Variants in DNER observed in about 807,000 individuals in gnomAD.
The protein encoded by DNER is delta/notch like EGF repeat containing, also known as delta and Notch-like epidermal growth factor-related receptor.
A neutral mutation model predicts 78.2 loss-of-function variants in DNER; 33 were observed. That is an observed-to-expected ratio of 0.42 (90% confidence interval 0.32 to 0.56). The LOEUF (loss-of-function observed/expected upper bound fraction) is 0.56, where lower values mean the gene tolerates loss of function less well. Among genes scored for constraint, DNER ranks in the 20% least tolerant of loss-of-function variants. The pLI, the probability that DNER is intolerant of heterozygous loss-of-function variation, is 0.11. For missense variants in DNER, 918 were observed against 975.3 expected (o/e 0.94, Z 0.78); for synonymous variants, 417 against 384.8 (o/e 1.08, Z -0.98).
Position 229,546,822 on chromosome 2 carries a change from CAGACAGACAGAT to C in DNER, c.993+113_993+124del, listed in dbSNP as rs1231564635. 7.3e-6 allele frequency: 10 copies of C among 1,365,920 alleles called. No homozygotes were observed. In the African/African-American group the frequency reaches 9.2e-5, roughly 13 times the overall value. 84.6% of individuals were successfully genotyped at this position (1,365,920 alleles called of 1,614,324 possible). On this transcript the variant is annotated intron_variant, in intron 5 of 12. Transcript: ENST00000341772. ...ATAGATAGACAGACAGACAGACAGA[CAGACAGACAGAT>C]AGATAGATAGAGCAAGGATGAAAGG...
chr2:229,457,516 C>T (rs145624936), intron 7 of DNER, among the ~76,000 whole-genome samples: 99 of 151,860 alleles, frequency 6.5e-4, no homozygotes, highest in African/African-American at 2.2e-3. Context: ...CTAAAACAGA[C>T]GCAACAAAAA....
chr2:229,683,994 G>A (rs1456127801), intron 1 of DNER, among the ~76,000 whole-genome samples: 1 of 152,160 alleles, frequency 6.6e-6, no homozygotes, highest in African/African-American at 2.4e-5. Flanking sequence ...AGACACCTAA[G>A]GCTGGTCTTG....
At chr2:229,705,546 C>T (rs1048740099) in intron 1 of DNER, among the ~76,000 whole-genome samples, 1 of 152,140 alleles carries the variant, frequency 6.6e-6, no homozygotes, top group African/African-American at 2.4e-5. Context: ...CCCTCTGGTG[C>T]TCACTTTGAA....
intron 6 of DNER, among the ~76,000 whole-genome samples, chr2:229,479,324 A>G (rs1695104284): frequency 6.6e-6 from 1 of 152,206 alleles, no homozygotes; most frequent in South Asian, 2.1e-4. Flanking sequence ...ATGCATCACC[A>G]TCGTCAACAA....
At chr2:229,714,079 C>T in intron 1 of DNER, 69 bp downstream of exon 1, 1 of 1,230,076 alleles carries the variant, frequency 8.1e-7, no homozygotes, top group Non-Finnish European at 1.0e-6. Context: ...GCAGCAGCAG[C>T]AGGGCCGGCG....
In DNER at chr2:229,617,245, C is replaced by T. The variant is rs199902445; in HGVS notation, c.277-25357G>A. The stretch of plus-strand genomic sequence containing the variant: ...GTACATTCCAGAACAGAGATTATGA[C>T]ATGGTTATATTTCCAGTATTTAGAT... On this transcript the variant is annotated intron_variant, in intron 1 of 12. Coordinates refer to ENST00000341772, the MANE Select transcript of DNER (RefSeq NM_139072.4). 3.9e-5 allele frequency among the ~76,000 whole-genome samples: 6 copies of T among 152,278 alleles called. No homozygotes were observed. The East Asian group carries it at 1.2e-3, about 29-fold the overall frequency.
intron 4 of DNER, among the ~76,000 whole-genome samples, chr2:229,562,128 T>C (rs1183013795): frequency 6.6e-6 from 1 of 151,968 alleles, no homozygotes; most frequent in East Asian, 1.9e-4. Flanking sequence ...GTATTTGAGG[T>C]CTCTCTATTG....
intron 11 of DNER, among the ~76,000 whole-genome samples, chr2:229,368,554 C>T (rs1471682702): frequency 6.6e-6 from 1 of 152,180 alleles, no homozygotes; most frequent in East Asian, 1.9e-4. Flanking sequence ...ACAGGATCTA[C>T]TTGGACAGTA....
chr2:229,388,687 A>G (rs915043521), intron 10 of DNER, among the ~76,000 whole-genome samples: 1 of 140,204 alleles, frequency 7.1e-6, no homozygotes, highest in African/African-American at 2.7e-5. Flanking sequence ...GTACTTAACT[A>G]GTTAACTAGC....
intron 10 of DNER, among the ~76,000 whole-genome samples, chr2:229,396,722 T>C (rs764230342): frequency 2.6e-5 from 4 of 152,146 alleles, no homozygotes; most frequent in Non-Finnish European, 4.4e-5. Context: ...ATAGCTAAAA[T>C]AAAAGTACAA....
chr2:229,614,522 T>A (rs1021499510), intron 1 of DNER, among the ~76,000 whole-genome samples: 1 of 152,232 alleles, frequency 6.6e-6, no homozygotes, highest in African/African-American at 2.4e-5. Context: ...CCACCCTGTT[T>A]CTGGACTCTC....
intron 7 of DNER, among the ~76,000 whole-genome samples, chr2:229,455,640 A>G (rs1298831381): frequency 6.6e-6 from 1 of 152,110 alleles, no homozygotes; most frequent in Admixed American, 6.5e-5. Context: ...GCTGGTGAAC[A>G]GAGGTGGGGT....
At chr2:229,644,678 G>T (rs1404185967) in intron 1 of DNER, among the ~76,000 whole-genome samples, 1 of 151,972 alleles carries the variant, frequency 6.6e-6, no homozygotes, top group Non-Finnish European at 1.5e-5. Context: ...CAAACTCAAG[G>T]GTCACCTGAG....
At chr2:229,652,011 G>A (rs1698827734) in intron 1 of DNER, among the ~76,000 whole-genome samples, 1 of 152,102 alleles carries the variant, frequency 6.6e-6, no homozygotes, top group Non-Finnish European at 1.5e-5. Context: ...GCAGGCATTT[G>A]ACATCCTAGC....
chr2:229,594,615 A>ACAAATT lies in DNER; in HGVS notation c.277-2728_277-2727insAATTTG, dbSNP rs55836996. 7.9e-3 allele frequency among the ~76,000 whole-genome samples: 49 copies of ACAAATT among 6,210 alleles called. No homozygotes were observed. The Non-Finnish European group carries it at 0.083, about 10-fold the overall frequency. 4.1% of individuals were successfully genotyped at this position (6,210 alleles called of 152,430 possible). On this transcript the variant is annotated intron_variant, in intron 1 of 12. Transcript: ENST00000341772. ...AAAAAAAAACAAAACAAACAAACAA[A>ACAAATT]AAAAAAAACAGGCAGAGGAGTTGAA... is the stretch of plus-strand genomic sequence containing the variant.
intron 10 of DNER, among the ~76,000 whole-genome samples, chr2:229,399,361 T>A (rs1168172355): frequency 6.6e-6 from 1 of 151,684 alleles, no homozygotes; most frequent in Non-Finnish European, 1.5e-5. Context: ...TGGATATACA[T>A]GTACAGGGAA....
chr2:229,523,385 G>A (rs986293694), intron 5 of DNER, among the ~76,000 whole-genome samples: 1 of 152,170 alleles, frequency 6.6e-6, no homozygotes. Flanking sequence ...AGCCTGAGAC[G>A]ACAGTGTCGG....
chr2:229,628,045 A>G (rs1340282633), intron 1 of DNER, among the ~76,000 whole-genome samples: 4 of 152,240 alleles, frequency 2.6e-5, no homozygotes, highest in African/African-American at 7.2e-5. Context: ...AGCAGGGTAG[A>G]CCATCATGCC....
At chr2:229,668,705 A>G (rs1440268400) in intron 1 of DNER, among the ~76,000 whole-genome samples, 1 of 151,344 alleles carries the variant, frequency 6.6e-6, no homozygotes, top group Non-Finnish European at 1.5e-5. Flanking sequence ...GAGATCATTA[A>G]AAAGTCAGGA....
Sources: allele counts gnomAD v4.1 joint callset (sites outside exome capture counted in the v4.1 genomes callset), GRCh38; gene constraint gnomAD v4.1.1; transcripts MANE v1.5; gene names NCBI Gene and HGNC (gene_info 2026-07-23, HGNC 2026-07-21).